The following CSMD2 variants were observed in gnomAD, a reference collection of about 807,000 sequenced individuals.
CSMD2 encodes the protein CUB and sushi domain-containing protein 2.
In CSMD2, 130 loss-of-function variants were observed where a neutral mutation model predicts 398.5. The observed-to-expected ratio is 0.33, with a 90% confidence interval of 0.28 to 0.38. The LOEUF (loss-of-function observed/expected upper bound fraction) is 0.38, where lower values mean the gene tolerates loss of function less well. CSMD2 is among the 10% of genes least tolerant of loss of function. The pLI is 1.00. For synonymous variants in CSMD2, 1,828 were observed against 1,908.5 expected (o/e 0.96, Z 1.10); for missense variants, 3,829 against 4,764.9 (o/e 0.80, Z 5.78).
At chr1:33,900,298 A>G (rs1489899528) in intron 5 of CSMD2, among the ~76,000 whole-genome samples, 1 of 152,158 alleles carries the variant, frequency 6.6e-6, no homozygotes, top group African/African-American at 2.4e-5. Flanking sequence ...AATGCTATCT[A>G]TGCTCCATGG....
intron 25 of CSMD2, among the ~76,000 whole-genome samples, chr1:33,679,199 G>GTTTTTT (rs58284803): frequency 1.2e-5 from 1 of 84,214 alleles, no homozygotes; most frequent in African/African-American, 4.3e-5. Context: ...AATTGCAGTT[G>GTTTTTT]TTTTTTTTTT....
At chr1:33,687,429 T>A (rs939912812) in intron 25 of CSMD2, among the ~76,000 whole-genome samples, 1 of 152,180 alleles carries the variant, frequency 6.6e-6, no homozygotes, top group Non-Finnish European at 1.5e-5. Context: ...AAGAACAGGA[T>A]AATTACTGTT....
At chr1:33,592,309 A>G (rs1176842266) in intron 44 of CSMD2, 1 of 708,096 alleles carries the variant, frequency 1.4e-6, no homozygotes, top group Non-Finnish European at 2.6e-6. Flanking sequence ...TTATCTTTTC[A>G]GGAGATGGGT....
At chr1:33,948,534 CT>C (rs1221884134) in intron 3 of CSMD2, among the ~76,000 whole-genome samples, 1 of 152,220 alleles carries the variant, frequency 6.6e-6, no homozygotes, top group Non-Finnish European at 1.5e-5. Flanking sequence ...GAACACAGCT[CT>C]TACATTCACA....
intron 1 of CSMD2, among the ~76,000 whole-genome samples, chr1:34,117,472 T>A (rs770395944): frequency 6.6e-6 from 1 of 152,024 alleles, no homozygotes; most frequent in Non-Finnish European, 1.5e-5. Context: ...ATAAAAAACC[T>A]ATCTACAAAG....
intron 9 of CSMD2, among the ~76,000 whole-genome samples, chr1:33,817,116 T>C (rs3845475): frequency 0.69 from 104,958 of 151,560 alleles, 37,806 homozygotes; most frequent in African/African-American, 0.91. Context: ...AAACAAAATA[T>C]TTTAAAATAA....
intron 2 of CSMD2, among the ~76,000 whole-genome samples, chr1:34,048,539 G>A (rs765556017): frequency 2.0e-5 from 3 of 152,208 alleles, no homozygotes; most frequent in Admixed American, 1.3e-4. Flanking sequence ...CCTGGGGAAG[G>A]AGCAGGTGGA....
chr1:34,023,043 C>T (rs1404931125), intron 3 of CSMD2, among the ~76,000 whole-genome samples: 1 of 152,038 alleles, frequency 6.6e-6, no homozygotes, highest in Non-Finnish European at 1.5e-5. Context: ...GCTATGTTAC[C>T]CAGGCTGGTC....
Position 33,628,464 on chromosome 1 carries a change from T to C in CSMD2, c.5201-1883A>G, listed in dbSNP as rs191779545. Among the ~76,000 whole-genome samples, 4 of 151,114 alleles carry C rather than the reference T, an allele frequency of 2.6e-5. No individual in the cohort carries two copies. The East Asian group carries it at 7.8e-4, about 29-fold the overall frequency. ...CGGGCGGATCACCTGAGGTCAGGAG[T>C]TTGTGACCAGCCTGACCAACATGGT... On this transcript the variant is annotated intron_variant, in intron 32 of 70. Transcript: ENST00000373381.
At chr1:33,711,688 C>T (rs954585114) in intron 21 of CSMD2, among the ~76,000 whole-genome samples, 1 of 152,182 alleles carries the variant, frequency 6.6e-6, no homozygotes, top group Non-Finnish European at 1.5e-5. Flanking sequence ...GCCTAATTCT[C>T]GACAGCTGGC....
intron 5 of CSMD2, among the ~76,000 whole-genome samples, chr1:33,891,276 C>T (rs1166982158): frequency 1.3e-5 from 2 of 151,386 alleles, no homozygotes; most frequent in South Asian, 2.1e-4. Flanking sequence ...GACATTTATG[C>T]AGCCAAAAAA....
chr1:33,685,313 T>C (rs1262457433), intron 25 of CSMD2, among the ~76,000 whole-genome samples: 3 of 152,234 alleles, frequency 2.0e-5, no homozygotes, highest in Admixed American at 6.5e-5. Flanking sequence ...CCCCCATCTG[T>C]TGAAGCCAGC....
chr1:33,524,342 T>A (rs1326453310), intron 66 of CSMD2, among the ~76,000 whole-genome samples: 1 of 152,182 alleles, frequency 6.6e-6, no homozygotes, highest in Non-Finnish European at 1.5e-5. Flanking sequence ...TGATAAAAAT[T>A]GTTAGAAATG....
rs151030095 is a variant in CSMD2, at chr1:34,111,416, C to A, written c.188-22223G>T. Reference sequence around the variant, plus strand: ...GACTGAGTTCCTTGGGGACACAGAGCATGGTCTGCCTTTTTTACCACTATA... The same window carrying A: ...GACTGAGTTCCTTGGGGACACAGAGAATGGTCTGCCTTTTTTACCACTATA... On this transcript the variant is annotated intron_variant, in intron 1 of 70. Transcript: ENST00000373381. Among the ~76,000 whole-genome samples, 41 of 152,302 alleles carry A rather than the reference C, an allele frequency of 2.7e-4. No individual in the cohort carries two copies. In the East Asian group the frequency reaches 7.7e-3, roughly 29 times the overall value.
intron 5 of CSMD2, among the ~76,000 whole-genome samples, chr1:33,910,382 C>A (rs1643382619): frequency 6.6e-6 from 1 of 152,216 alleles, no homozygotes; most frequent in African/African-American, 2.4e-5. Context: ...CAAAATCTTA[C>A]CCCTCAGTTC....
chr1:33,935,897 C>T lies in CSMD2; in HGVS notation c.575G>A (p.Gly192Asp). ...PGRLPNGIQQ[G>D]STFNLGDKVR... ...CTTGTCACCGAGGTTGAAGGTTGAA[C>T]CCTGCTGGATGCCATTGGGCAGCCT... The change falls in exon 4 of 71, where the codon GGT (glycine) becomes GAT (aspartate). Residue 192 changes from glycine (G) to aspartate (D), a missense_variant. Physicochemically the swap from Gly to Asp is moderately conservative, Grantham distance 94 (BLOSUM62 -1). Transcript: ENST00000373381. 1.2e-6 allele frequency: 2 copies of T among 1,614,086 alleles called. No individual in the cohort carries two copies. Among genetic ancestry groups the T allele is most frequent in the Non-Finnish European group, 1.7e-6 (2 of 1,179,944 alleles).
At chr1:33,846,831 G>T in intron 6 of CSMD2, 53 bp downstream of exon 6, 1 of 1,189,772 alleles carries the variant, frequency 8.4e-7, no homozygotes, top group Non-Finnish European at 1.2e-6. Context: ...AGCCCTCCAG[G>T]TGTCATCTCT....
At chr1:33,855,767 A>C (rs1364360946) in intron 5 of CSMD2, among the ~76,000 whole-genome samples, 1 of 152,132 alleles carries the variant, frequency 6.6e-6, no homozygotes, top group Non-Finnish European at 1.5e-5. Context: ...CTTGGCCCAG[A>C]AACAGGGTGC....
intron 13 of CSMD2, among the ~76,000 whole-genome samples, chr1:33,749,577 A>G (rs947764559): frequency 6.6e-6 from 1 of 152,220 alleles, no homozygotes; most frequent in Non-Finnish European, 1.5e-5. Flanking sequence ...GAATAAACTT[A>G]GAAAAGACAA....
Sources: allele counts gnomAD v4.1 joint callset (sites outside exome capture counted in the v4.1 genomes callset), GRCh38; gene constraint gnomAD v4.1.1; transcripts MANE v1.5; gene names NCBI Gene and HGNC (gene_info 2026-07-23, HGNC 2026-07-21).